Variants in ANO3 observed in about 807,000 individuals in gnomAD.
ANO3 encodes the protein anoctamin 3.
Under a neutral mutation model 144.8 loss-of-function variants are expected in ANO3, and 99 were observed. That is an observed-to-expected ratio of 0.68 (90% CI 0.58 to 0.81). The LOEUF (loss-of-function observed/expected upper bound fraction) is 0.81, where lower values mean the gene tolerates loss of function less well. Among genes scored for constraint, ANO3 ranks in the 30% least tolerant of loss-of-function variants. ANO3 has a pLI of 0.00. For synonymous variants in ANO3, 414 were observed against 392.6 expected, an observed-to-expected ratio of 1.05 and a Z score of -0.64; for missense variants, 905 against 1,202.2, an observed-to-expected ratio of 0.75 and a Z score of 3.66.
At chr11:26,198,862 A>T (rs758211974) in intron 1 of ANO3, among the ~76,000 whole-genome samples, 2 of 152,130 alleles carry the variant, frequency 1.3e-5, no homozygotes, top group African/African-American at 2.4e-5. Flanking sequence ...GTTTATGCCT[A>T]ATTTGAGTTG....
At chr11:26,436,340 C>A (rs755790327) in intron 1 of ANO3, among the ~76,000 whole-genome samples, 1 of 152,180 alleles carries the variant, frequency 6.6e-6, no homozygotes, top group Non-Finnish European at 1.5e-5. Flanking sequence ...AAAGTCCCAG[C>A]AGGGGGTGGA....
intron 5 of ANO3, among the ~76,000 whole-genome samples, chr11:26,516,324 A>G (rs1400173505): frequency 2.6e-5 from 4 of 151,524 alleles, no homozygotes; most frequent in Non-Finnish European, 5.9e-5. Context: ...GAGATAACAG[A>G]CTTTTACAAT....
At chr11:26,460,556 G>A (rs1328774808) in intron 3 of ANO3, among the ~76,000 whole-genome samples, 4 of 151,986 alleles carry the variant, frequency 2.6e-5, no homozygotes, top group South Asian at 2.1e-4. Context: ...TCTAGTCAGC[G>A]CTGTAGGGTA....
At chr11:26,435,654 A>C (rs7925575) in intron 1 of ANO3, among the ~76,000 whole-genome samples, 1 of 151,910 alleles carries the variant, frequency 6.6e-6, no homozygotes, top group Non-Finnish European at 1.5e-5. Context: ...AGGTTCTGAC[A>C]TCCTTTTCTC....
At chr11:26,598,114 G>T (rs545485824) in intron 14 of ANO3, among the ~76,000 whole-genome samples, 2 of 152,268 alleles carry the variant, frequency 1.3e-5, no homozygotes, top group African/African-American at 4.8e-5. Context: ...TCATTTTGAT[G>T]AGCTGTGCTG....
At chr11:26,539,029 G>A (rs569660340) in intron 10 of ANO3, among the ~76,000 whole-genome samples, 80 of 152,000 alleles carry the variant, frequency 5.3e-4, no homozygotes, top group African/African-American at 1.8e-3. Context: ...ACCAGTGGTC[G>A]AGGTTTGTTT....
At chr11:26,215,540 C>T (rs754689912) in intron 1 of ANO3, among the ~76,000 whole-genome samples, 1 of 151,834 alleles carries the variant, frequency 6.6e-6, no homozygotes, top group Non-Finnish European at 1.5e-5. Context: ...TTCCCCGATC[C>T]ACAATGAACA....
At chr11:26,358,006 G>T (rs1206835254) in intron 1 of ANO3, among the ~76,000 whole-genome samples, 1 of 151,988 alleles carries the variant, frequency 6.6e-6, no homozygotes, top group East Asian at 1.9e-4. Flanking sequence ...ATCTGTTACT[G>T]GGCTGTTTCT....
intron 4 of ANO3, among the ~76,000 whole-genome samples, chr11:26,499,022 G>C (rs1030075349): frequency 1.3e-5 from 2 of 151,794 alleles, no homozygotes; most frequent in Non-Finnish European, 3.0e-5. Flanking sequence ...CCACAATTTA[G>C]TTTTCACTTT....
chr11:26,517,994 G>C (rs896032769), intron 6 of ANO3, among the ~76,000 whole-genome samples: 2 of 151,856 alleles, frequency 1.3e-5, no homozygotes, highest in Admixed American at 6.6e-5. Context: ...TTCATGCTTG[G>C]CTAAGGGTTT....
chr11:26,644,729 T>G lies in ANO3; in HGVS notation c.2428+1395T>G, dbSNP rs540103328. The stretch of plus-strand genomic sequence containing the variant: ...ATTAAGTATATTTGTATTCCTTCTT[T>G]GCTAATTGTGTTTATGTTCTTTGGT... On this transcript the variant is annotated intron_variant, in intron 23 of 26. Coordinates refer to ENST00000256737, the MANE Select transcript of ANO3 (RefSeq NM_031418.4). Among the ~76,000 whole-genome samples the G allele has an allele frequency of 9.9e-5, 15 of 152,206 alleles. No individual in the cohort carries two copies. The South Asian group carries it at 2.5e-3, about 25-fold the overall frequency.
chr11:26,363,171 A>T (rs1855973206), intron 1 of ANO3, among the ~76,000 whole-genome samples: 1 of 152,148 alleles, frequency 6.6e-6, no homozygotes, highest in South Asian at 2.1e-4. Context: ...GGAAAATATG[A>T]CCCATAGAGA....
At chr11:26,537,960 C>T (rs1849552665) in intron 10 of ANO3, among the ~76,000 whole-genome samples, 1 of 152,182 alleles carries the variant, frequency 6.6e-6, no homozygotes. Flanking sequence ...TTTGAGCCAA[C>T]TTTTATTCCC....
At chr11:26,448,331 G>C (rs1358632787) in intron 3 of ANO3, among the ~76,000 whole-genome samples, 1 of 151,464 alleles carries the variant, frequency 6.6e-6, no homozygotes, top group African/African-American at 2.4e-5. Context: ...AAATATTTAG[G>C]GCTCACTAAG....
intron 14 of ANO3, among the ~76,000 whole-genome samples, chr11:26,584,628 C>A (rs745427566): frequency 6.6e-6 from 1 of 152,116 alleles, no homozygotes; most frequent in East Asian, 1.9e-4. Flanking sequence ...ACTAAAAAAA[C>A]TTCAAGTGTA....
chr11:26,401,100 G>C (rs1857136121), intron 1 of ANO3, among the ~76,000 whole-genome samples: 3 of 151,936 alleles, frequency 2.0e-5, no homozygotes, highest in African/African-American at 7.2e-5. Context: ...CTGTATAAAA[G>C]GTTCCTTTCT....
intron 9 of ANO3, among the ~76,000 whole-genome samples, chr11:26,536,136 A>C (rs2663160): frequency 0.71 from 106,811 of 151,480 alleles, 38,036 homozygotes; most frequent in East Asian, 0.84. Flanking sequence ...CCTGGCCAAC[A>C]TGGTAAAACC....
chr11:26,604,909 C>T (rs980087155), intron 17 of ANO3, among the ~76,000 whole-genome samples: 4 of 152,148 alleles, frequency 2.6e-5, no homozygotes, highest in African/African-American at 9.7e-5. Context: ...CCCTTTGTTT[C>T]ATTGTTTTGC....
intron 1 of ANO3, among the ~76,000 whole-genome samples, chr11:26,298,142 G>A (rs1051939007): frequency 6.6e-6 from 1 of 152,152 alleles, no homozygotes; most frequent in Non-Finnish European, 1.5e-5. Flanking sequence ...AATGTCAATT[G>A]TGAATTGATG....
Sources: allele counts gnomAD v4.1 joint callset (sites outside exome capture counted in the v4.1 genomes callset), GRCh38; gene constraint gnomAD v4.1.1; transcripts MANE v1.5; gene names NCBI Gene and HGNC (gene_info 2026-07-23, HGNC 2026-07-21).